The following TRPC5 variants were observed in gnomAD, a reference collection of about 807,000 sequenced individuals.
TRPC5 encodes the protein transient receptor potential cation channel subfamily C member 5.
Under a neutral mutation model 56.5 loss-of-function variants are expected in TRPC5, and 9 were observed. The observed-to-expected ratio is 0.16, with a 90% CI of 0.10 to 0.28. The LOEUF is 0.28. TRPC5 is among the 10% of genes least tolerant of loss of function. The pLI is 1.00. For missense variants in TRPC5, 469 were observed against 748.9 expected (o/e 0.63, Z 4.36); for synonymous variants, 282 against 278.5 (o/e 1.01, Z -0.13).
At chrX:111,942,460 A>G (rs1926807105) in intron 2 of TRPC5, among the ~76,000 whole-genome samples, 1 of 111,769 alleles carries the variant, frequency 8.9e-6, no homozygotes, top group Non-Finnish European at 1.9e-5. Flanking sequence ...TGATTCCTCA[A>G]AGGCAAAGTG....
intron 1 of TRPC5, among the ~76,000 whole-genome samples, chrX:112,038,894 G>A (rs1929824193): frequency 9.8e-6 from 1 of 102,021 alleles, no homozygotes; most frequent in African/African-American, 3.6e-5. Context: ...GTTTCACCGT[G>A]TTAGCCAGGA....
At chrX:111,904,625 G>A (rs1347860019) in intron 3 of TRPC5, among the ~76,000 whole-genome samples, 1 of 110,423 alleles carries the variant, frequency 9.1e-6, no homozygotes, top group African/African-American at 3.3e-5. Flanking sequence ...ACACGCTGGG[G>A]CCTGTTGGGG....
chrX:112,056,771 A>T (rs1219147777), intron 1 of TRPC5, among the ~76,000 whole-genome samples: 2 of 112,025 alleles, frequency 1.8e-5, no homozygotes, highest in African/African-American at 6.5e-5. Context: ...CATTAACTGC[A>T]CTGTCTTCTT....
In TRPC5 at chrX:111,971,085, C is replaced by T. The variant is rs183658209; in HGVS notation, c.-21-18644G>A. ...GAGTCACCGCGCCCGGCCACATTACCGCTTCTTTATGTCTTCATTTCCTTT... is the reference window on the plus strand; with the variant it reads ...GAGTCACCGCGCCCGGCCACATTACTGCTTCTTTATGTCTTCATTTCCTTT... On this transcript the variant is annotated intron_variant, in intron 1 of 10. Transcript: ENST00000262839. Among the ~76,000 whole-genome samples the T allele has an allele frequency of 4.8e-4, 53 of 111,461 alleles. 1 individual carries two copies. The highest frequency in any genetic ancestry group is 1.6e-3 in the African/African-American group (50 of 30,682).
chrX:111,908,616 C>T (rs1310371024), intron 3 of TRPC5, among the ~76,000 whole-genome samples: 1 of 111,255 alleles, frequency 9.0e-6, no homozygotes, highest in Non-Finnish European at 1.9e-5. Flanking sequence ...TGAAATAATT[C>T]AGTCTACTAA....
chrX:111,790,284 T>C (rs753722130), intron 7 of TRPC5, among the ~76,000 whole-genome samples: 32 of 111,225 alleles, frequency 2.9e-4, no homozygotes, highest in African/African-American at 9.8e-4. Flanking sequence ...CTGGAAACCA[T>C]CATTCTCAGC....
chrX:112,068,697 C>A (rs16986765), intron 1 of TRPC5, among the ~76,000 whole-genome samples: 3,236 of 111,162 alleles, frequency 0.029, 120 homozygotes, highest in African/African-American at 0.098. Context: ...AGTACCAGAC[C>A]AAACTGCTTT....
Position 112,076,438 on chromosome X carries a change from C to A in TRPC5, c.-22+5441G>T, listed in dbSNP as rs146686088. On this transcript the variant is annotated intron_variant, in intron 1 of 10. Transcript: ENST00000262839. Reference sequence around the variant, plus strand: ...ATGGGCTGGGAAGAGGTAGGAGTTGCTCTTTTTTTTTCACCTACAAAATAG... The same window carrying A: ...ATGGGCTGGGAAGAGGTAGGAGTTGATCTTTTTTTTTCACCTACAAAATAG... 3.3e-3 allele frequency among the ~76,000 whole-genome samples: 365 copies of A among 111,086 alleles called. 1 individual carries two copies. Among genetic ancestry groups the A allele is most frequent in the Non-Finnish European group, 4.9e-3 (261 of 53,011 alleles).
intron 3 of TRPC5, among the ~76,000 whole-genome samples, chrX:111,864,539 A>G (rs1455773372): frequency 9.0e-6 from 1 of 111,616 alleles, no homozygotes; most frequent in Non-Finnish European, 1.9e-5. Context: ...GGATGGGTCT[A>G]TTTGGGGTGC....
intron 1 of TRPC5, among the ~76,000 whole-genome samples, chrX:111,991,163 C>CTATA (rs1928343422): frequency 9.0e-6 from 1 of 111,651 alleles, no homozygotes. Context: ...TGGAGATGCT[C>CTATA]CCTTTCCCCT....
At position 111,781,224 on chromosome X, in the gene TRPC5, C is replaced by G. The variant is rs1569525068; in HGVS notation, c.2101-18G>C. The G allele has an allele frequency of 2.5e-6, 3 of 1,197,950 alleles. No homozygotes were observed. The highest frequency in any genetic ancestry group is 3.5e-5 in the African/African-American group (2 of 56,816). On this transcript the variant is annotated intron_variant, in intron 8 of 10. Coordinates refer to ENST00000262839, the MANE Select transcript of TRPC5 (RefSeq NM_012471.3). ...TTGCGTTCCTATAATTGAAAATAGA[C>G]AGAGATGTTACATCAGCAGTCTCCC...
At chrX:112,040,962 T>C (rs1929876318) in intron 1 of TRPC5, among the ~76,000 whole-genome samples, 1 of 112,330 alleles carries the variant, frequency 8.9e-6, no homozygotes. Context: ...AGACAGAGTG[T>C]CTGGGGCTTA....
chrX:111,815,110 T>C (rs892664220), intron 7 of TRPC5, among the ~76,000 whole-genome samples: 7 of 112,051 alleles, frequency 6.2e-5, no homozygotes, highest in African/African-American at 2.3e-4. Flanking sequence ...TGGGCAGAGA[T>C]GGAGGGAAGA....
At chrX:111,852,778 A>C (rs1389954316) in intron 4 of TRPC5, among the ~76,000 whole-genome samples, 2 of 111,971 alleles carry the variant, frequency 1.8e-5, no homozygotes, top group Non-Finnish European at 3.8e-5. Context: ...TCAATAAATT[A>C]ATTAGATCAG....
At chrX:111,966,803 T>C (rs1487009791) in intron 1 of TRPC5, among the ~76,000 whole-genome samples, 2 of 112,304 alleles carry the variant, frequency 1.8e-5, no homozygotes, top group Non-Finnish European at 3.8e-5. Flanking sequence ...AAACTCTCAA[T>C]AAATTAGGTA....
intron 3 of TRPC5, chrX:111,882,055 C>T (rs926938024): frequency 9.2e-6 from 1 of 108,880 alleles, no homozygotes; most frequent in Non-Finnish European, 1.9e-5. Context: ...GCCAATTGCA[C>T]ATTATGGGCA....
rs1036486397 is a variant in TRPC5, at chrX:111,876,194, G to A, written c.901-22088C>T. The A allele has an allele frequency of 4.5e-5, 5 of 111,271 alleles. No individual in the cohort carries two copies. In the Admixed American group the frequency reaches 4.8e-4, roughly 11 times the overall value. 9.2% of individuals were successfully genotyped at this position (111,271 alleles called of 1,213,427 possible). On this transcript the variant is annotated intron_variant, in intron 3 of 10. Transcript: ENST00000262839. ...AAAATTCCTACCATTAGAGAGGTAA[G>A]CCTTTGGATTACAGCTCTGATGTTT...
chrX:112,033,350 C>G (rs951117757), intron 1 of TRPC5, among the ~76,000 whole-genome samples: 1 of 108,623 alleles, frequency 9.2e-6, no homozygotes, highest in Non-Finnish European at 1.9e-5. Flanking sequence ...CACATGTACC[C>G]TAGAACTTAA....
chrX:111,905,783 CG>C (rs1303750439), intron 3 of TRPC5, among the ~76,000 whole-genome samples: 17 of 109,123 alleles, frequency 1.6e-4, no homozygotes, highest in South Asian at 8.1e-4. Flanking sequence ...GGCGTGGTGG[CG>C]GGCGCCTGTA....
Sources: allele counts gnomAD v4.1 joint callset (sites outside exome capture counted in the v4.1 genomes callset), GRCh38; gene constraint gnomAD v4.1.1; transcripts MANE v1.5; gene names NCBI Gene and HGNC (gene_info 2026-07-23, HGNC 2026-07-21).